The following ATRX variants were observed in gnomAD, a reference collection of about 807,000 sequenced individuals.
ATRX encodes ATRX chromatin remodeler, also known as chromatin remodeler ATRX.
In ATRX, 12 loss-of-function variants were observed where a neutral mutation model predicts 172.6. The ratio of observed to expected loss-of-function variants is 0.07; its 90% CI spans 0.04 to 0.11. The LOEUF (loss-of-function observed/expected upper bound fraction) is 0.11. Ranked by LOEUF, ATRX falls within the 10% of genes least tolerant of loss-of-function variation. ATRX has a pLI of 1.00. For missense variants in ATRX, 1,368 were observed against 1,767.4 expected, an observed-to-expected ratio of 0.77 and a Z score of 4.05; for synonymous variants, 674 against 594.7, an observed-to-expected ratio of 1.13 and a Z score of -1.94.
chrX:77,612,535 C>T (rs980378700), intron 22 of ATRX, among the ~76,000 whole-genome samples: 2 of 109,858 alleles, frequency 1.8e-5, no homozygotes, highest in South Asian at 3.9e-4. Flanking sequence ...TGTATACTTA[C>T]GTAACAAACC....
At chrX:77,620,629 A>G (rs2067540542) in intron 19 of ATRX, 97 bp from the exon 20 acceptor site, 2 of 817,774 alleles carry the variant, frequency 2.4e-6, no homozygotes, top group Non-Finnish European at 3.5e-6. Context: ...TAAAGTGCTG[A>G]TCTTACAGGA....
intron 2 of ATRX, among the ~76,000 whole-genome samples, chrX:77,699,961 A>G (rs2072411355): frequency 8.9e-6 from 1 of 112,236 alleles, no homozygotes; most frequent in African/African-American, 3.2e-5. Flanking sequence ...TAAAAAATAT[A>G]TCACAAATAG....
At chrX:77,737,440 G>GC (rs2074642558) in intron 1 of ATRX, among the ~76,000 whole-genome samples, 1 of 81,586 alleles carries the variant, frequency 1.2e-5, no homozygotes, top group Non-Finnish European at 2.3e-5. Flanking sequence ...AAAAAAGGGG[G>GC]GGGGGGGCCT....
intron 1 of ATRX, among the ~76,000 whole-genome samples, chrX:77,748,835 C>T (rs1413221183): frequency 9.0e-6 from 1 of 111,173 alleles, no homozygotes; most frequent in Non-Finnish European, 1.9e-5. Context: ...GATCCACCCA[C>T]CTCGGCCTCC....
At chrX:77,755,147 G>A (rs1356275161) in intron 1 of ATRX, among the ~76,000 whole-genome samples, 2 of 112,581 alleles carry the variant, frequency 1.8e-5, no homozygotes, top group African/African-American at 6.4e-5. Context: ...ACATGTGTAT[G>A]CTTCACGAAG....
At chrX:77,518,872 G>C (rs1236166783) in intron 34 of ATRX, among the ~76,000 whole-genome samples, 1 of 111,527 alleles carries the variant, frequency 9.0e-6, no homozygotes, top group East Asian at 2.8e-4. Flanking sequence ...CTCATTTTTT[G>C]CACAGGTGCC....
intron 12 of ATRX, among the ~76,000 whole-genome samples, chrX:77,659,302 C>CA (rs1295443552): frequency 4.5e-5 from 5 of 110,744 alleles, no homozygotes; most frequent in African/African-American, 1.6e-4. Context: ...CACACTGACA[C>CA]AAAAAAATCC....
chrX:77,593,998 C>G (rs781984172), intron 25 of ATRX, 149 bp from the exon 26 acceptor site: 4 of 490,741 alleles, frequency 8.2e-6, no homozygotes, highest in Non-Finnish European at 1.4e-5. Context: ...GAAAGGCAGG[C>G]ACACGCACAT....
At chrX:77,779,428 C>A (rs2076492295) in intron 1 of ATRX, among the ~76,000 whole-genome samples, 1 of 111,172 alleles carries the variant, frequency 9.0e-6, no homozygotes, top group African/African-American at 3.3e-5. Flanking sequence ...TTTAACCATA[C>A]TAATAGCTGT....
intron 2 of ATRX, among the ~76,000 whole-genome samples, chrX:77,711,915 A>G (rs1365781529): frequency 2.7e-5 from 3 of 112,391 alleles, no homozygotes; most frequent in South Asian, 3.7e-4. Flanking sequence ...CTGTAGTACC[A>G]AACAACTCAA....
intron 2 of ATRX, among the ~76,000 whole-genome samples, chrX:77,700,447 G>A (rs1444186449): frequency 1.8e-5 from 2 of 111,809 alleles, no homozygotes; most frequent in Non-Finnish European, 3.8e-5. Flanking sequence ...ACAAAACTAA[G>A]CATACCATAT....
chrX:77,514,227 T>C (rs782503357), intron 34 of ATRX, among the ~76,000 whole-genome samples: 1 of 112,195 alleles, frequency 8.9e-6, no homozygotes, highest in Admixed American at 9.4e-5. Context: ...AAACTACTAA[T>C]GATATTCTTC....
At chrX:77,699,294 T>C (rs547109312) in intron 2 of ATRX, among the ~76,000 whole-genome samples, 53 of 111,083 alleles carry the variant, frequency 4.8e-4, no homozygotes, top group South Asian at 1.9e-3. Flanking sequence ...CCACCACACC[T>C]GGCTAATTTT....
rs2148581421 is a variant in ATRX, at chrX:77,682,143, C to G, written c.3113G>C (p.Gly1038Ala). ...FPKGIKQIKN[G>A]TTDGEKKSKK... ...ACTTTTCTTTTCTCCATCAGTTGTTCCATTCTTAATTTGTTTTATGCCCTT... is the reference window on the plus strand; with the variant it reads ...ACTTTTCTTTTCTCCATCAGTTGTTGCATTCTTAATTTGTTTTATGCCCTT... Residue 1038 changes from glycine (G) to alanine (A), a missense_variant, in exon 9 of 35, where the codon GGA becomes GCA. Around this residue, in one of 17 missense-constraint regions of ATRX, gnomAD observed 843 missense variants for 643.1 expected, o/e 1.31. Transcript: ENST00000373344. 1 of 1,210,595 alleles carries G rather than the reference C, an allele frequency of 8.3e-7. No individual in the cohort carries two copies.
intron 1 of ATRX, among the ~76,000 whole-genome samples, chrX:77,758,380 A>G (rs539637488): frequency 5.0e-4 from 54 of 108,044 alleles, no homozygotes; most frequent in South Asian, 2.5e-3. Context: ...ACAAGAGCGA[A>G]ACTCCATCTC....
At chrX:77,515,304 A>G (rs1379579903) in intron 34 of ATRX, among the ~76,000 whole-genome samples, 3 of 111,543 alleles carry the variant, frequency 2.7e-5, no homozygotes, top group African/African-American at 9.8e-5. Context: ...GTATATGTTC[A>G]TTGCAGCACT....
At chrX:77,620,281 A>G in intron 20 of ATRX, 114 bp downstream of exon 20, 1 of 810,594 alleles carries the variant, frequency 1.2e-6, no homozygotes, top group Non-Finnish European at 1.8e-6. Flanking sequence ...ACCTATGTAG[A>G]TCATGGTCTA....
intron 1 of ATRX, among the ~76,000 whole-genome samples, chrX:77,745,394 T>TC (rs1433635012): frequency 9.1e-6 from 1 of 110,120 alleles, no homozygotes; most frequent in Admixed American, 9.8e-5. Context: ...CACAATGGAG[T>TC]CCTATTCAGC....
chrX:77,661,624 CTA>C (rs1287789379), intron 12 of ATRX, among the ~76,000 whole-genome samples: 1 of 111,070 alleles, frequency 9.0e-6, no homozygotes, highest in African/African-American at 3.3e-5. Context: ...AAATTTACCC[CTA>C]GTCATCAAAA....
Sources: allele counts gnomAD v4.1 joint callset (sites outside exome capture counted in the v4.1 genomes callset), GRCh38; gene constraint gnomAD v4.1.1; regional missense constraint gnomAD v4.1.1; transcripts MANE v1.5; gene names NCBI Gene and HGNC (gene_info 2026-07-23, HGNC 2026-07-21).